Variants in TTL observed in about 807,000 individuals in gnomAD.
TTL encodes tubulin--tyrosine ligase.
A neutral mutation model predicts 41.1 loss-of-function variants in TTL; 10 were observed. That is an observed-to-expected ratio of 0.24 (90% confidence interval 0.15 to 0.41). TTL has a LOEUF of 0.41. Among genes scored for constraint, TTL ranks in the 10% least tolerant of loss-of-function variants. The pLI is 1.00. For missense variants in TTL, 367 were observed against 460.4 expected (o/e 0.80, Z 1.86); for synonymous variants, 175 against 175.5 (o/e 1.00, Z 0.02).
chr2:112,482,313 T>TGCCCGGCGGCC lies in TTL; in HGVS notation c.-31_-21dup. The TGCCCGGCGGCC allele has an allele frequency of 1.4e-6, 2 of 1,453,066 alleles. No individual in the cohort carries two copies. Among genetic ancestry groups the TGCCCGGCGGCC allele is most frequent in the Non-Finnish European group, 1.8e-6 (2 of 1,093,212 alleles). 90.0% of individuals were successfully genotyped at this position (1,453,066 alleles called of 1,614,324 possible). On this transcript the variant is annotated 5_prime_UTR_variant, in exon 1 of 7. Transcript: ENST00000233336. This position sits in a 1 kb window ranked among gnomAD's most constrained non-coding sequence, Gnocchi z 5.3. ...TCGGCCGCCTGGTCCCTGCGGCGGCTGCCCGGCGGCCCGGGCGCGCGGCGC... is the reference window on the plus strand; with the variant it reads ...TCGGCCGCCTGGTCCCTGCGGCGGCTGCCCGGCGGCCGCCCGGCGGCCCGGGCGCGCGGCGC...
rs202003561 is a variant in TTL, at chr2:112,482,551, G to T, written c.157+50G>T. 2.4e-3 allele frequency: 3,580 copies of T among 1,518,362 alleles called. 4 individuals are homozygous for T. Among genetic ancestry groups the T allele is most frequent in the Non-Finnish European group, 3.0e-3 (3,395 of 1,129,744 alleles). The allele number at this position is 1,518,362 out of a possible 1,614,324, so 94.1% of individuals were successfully genotyped here. On this transcript the variant is annotated intron_variant, in intron 1 of 6. Coordinates refer to ENST00000233336, the MANE Select transcript of TTL (RefSeq NM_153712.5). The surrounding 1 kb of genome is among the most constrained non-coding windows in gnomAD (Gnocchi z 5.3). ...TGCCCTCCTCGGAGCGGCCCTGCGC[G>T]CCTCCCGCGGCCCGTTAGAACCGGC... is the stretch of plus-strand genomic sequence containing the variant.
chr2:112,516,310 T>C (rs897839038), intron 5 of TTL, among the ~76,000 whole-genome samples: 2 of 152,200 alleles, frequency 1.3e-5, no homozygotes, highest in Non-Finnish European at 2.9e-5. Context: ...TTCATGTCTT[T>C]CCACAAGGAT....
chr2:112,486,099 A>G (rs1404975488), intron 2 of TTL, 104 bp downstream of exon 2: 2 of 1,188,856 alleles, frequency 1.7e-6, no homozygotes, highest in Non-Finnish European at 1.2e-6. Flanking sequence ...TTAAAAGCCA[A>G]CAAATATCAG....
At chr2:112,491,892 T>C (rs1019538600) in intron 2 of TTL, among the ~76,000 whole-genome samples, 5 of 152,240 alleles carry the variant, frequency 3.3e-5, no homozygotes, top group African/African-American at 1.2e-4. Flanking sequence ...CTTACTGTCC[T>C]TGTCATAGTT....
chr2:112,535,535 T>C lies in TTL; in HGVS notation c.*6740T>C, dbSNP rs1227308762. The C allele has an allele frequency of 6.6e-6, 1 of 150,802 alleles. No individual in the cohort carries two copies. Among genetic ancestry groups the C allele is most frequent in the Non-Finnish European group, 1.5e-5 (1 of 67,794 alleles). The allele number at this position is 150,802 out of a possible 1,614,324, so 9.3% of individuals were successfully genotyped here. A position where few individuals can be genotyped will look rare whatever the true frequency, so the allele number is the denominator to read the frequency against. ...GCCACTAAGTAAATAATTTTAAATATATAGTAAAAAATGACAAGGAAACAG... is the reference window on the plus strand; with the variant it reads ...GCCACTAAGTAAATAATTTTAAATACATAGTAAAAAATGACAAGGAAACAG... On this transcript the variant is annotated 3_prime_UTR_variant, in exon 7 of 7. Transcript: ENST00000233336.
Position 112,494,294 on chromosome 2 carries a change from T to C in TTL, c.388T>C (p.Phe130Leu). 6.2e-7 allele frequency: 1 copy of C among 1,614,194 alleles called. No individual in the cohort carries two copies. The highest frequency in any genetic ancestry group is 8.5e-7 in the Non-Finnish European group (1 of 1,180,034). ...TAACTCAAGGACAGATGAAAGAGAA[T>C]TCTTTCTCGCCTCTTATAACAGAAA... ...ISNSRTDERE[F>L]FLASYNRKKE... Residue 130 changes from phenylalanine (F) to leucine (L), a missense_variant, in exon 3 of 7, where the codon TTC becomes CTC. Coordinates refer to ENST00000233336, the MANE Select transcript of TTL (RefSeq NM_153712.5).
At chr2:112,527,545 T>C (rs1682400174) in intron 6 of TTL, among the ~76,000 whole-genome samples, 1 of 152,232 alleles carries the variant, frequency 6.6e-6, no homozygotes, top group South Asian at 2.1e-4. Context: ...TTTGTTGAAT[T>C]GATCCCTTTA....
intron 1 of TTL, chr2:112,483,811 A>G (rs1464987485): frequency 6.6e-6 from 1 of 152,068 alleles, no homozygotes; most frequent in Non-Finnish European, 1.5e-5. Flanking sequence ...TAGAATGGTG[A>G]CTCCATGGAA....
intron 5 of TTL, among the ~76,000 whole-genome samples, chr2:112,509,885 C>T (rs897935856): frequency 1.7e-4 from 26 of 152,342 alleles, no homozygotes; most frequent in Admixed American, 5.2e-4. Context: ...CTACCCCCCT[C>T]GGCCTCCCAA....
chr2:112,496,982 G>A (rs550233711), intron 3 of TTL, among the ~76,000 whole-genome samples: 18 of 151,904 alleles, frequency 1.2e-4, no homozygotes, highest in Non-Finnish European at 2.4e-4. Context: ...CACCACACCC[G>A]GCTAATTTTT....
intron 3 of TTL, among the ~76,000 whole-genome samples, chr2:112,495,917 A>C (rs568090608): frequency 5.3e-5 from 8 of 152,100 alleles, no homozygotes; most frequent in Non-Finnish European, 2.9e-5. Flanking sequence ...ATTGGTACTC[A>C]TTTCTGTTCC....
chr2:112,525,184 G>C (rs1682339436), intron 6 of TTL, among the ~76,000 whole-genome samples: 1 of 152,148 alleles, frequency 6.6e-6, no homozygotes, highest in African/African-American at 2.4e-5. Context: ...TGCTGTTTTG[G>C]TTACTGTAGC....
chr2:112,501,934 T>G (rs182828833), intron 4 of TTL, among the ~76,000 whole-genome samples: 1 of 152,106 alleles, frequency 6.6e-6, no homozygotes, highest in Non-Finnish European at 1.5e-5. Flanking sequence ...AATATAAATG[T>G]ATGGTCTTGC....
At chr2:112,484,480 G>A (rs1039761572) in intron 1 of TTL, among the ~76,000 whole-genome samples, 3 of 151,906 alleles carry the variant, frequency 2.0e-5, no homozygotes, top group African/African-American at 7.3e-5. Flanking sequence ...GGTCAGGCTG[G>A]TCTCGAACTC....
chr2:112,487,382 A>T (rs937142118), intron 2 of TTL, among the ~76,000 whole-genome samples: 1 of 152,240 alleles, frequency 6.6e-6, no homozygotes, highest in African/African-American at 2.4e-5. Flanking sequence ...TGTTACATGG[A>T]ATCAGGAATA....
chr2:112,530,018 A>T lies in TTL; in HGVS notation c.*1223A>T, dbSNP rs935961572. ...CTAGCAGTAGGGAGAACAAGATGTC[A>T]TTTGTGTTCAGTGTAAGCTGAGTAA... is the stretch of plus-strand genomic sequence containing the variant. On this transcript the variant is annotated 3_prime_UTR_variant, in exon 7 of 7. Transcript: ENST00000233336. The T allele has an allele frequency of 1.7e-5, 4 of 229,704 alleles. No homozygotes were observed. Among genetic ancestry groups the T allele is most frequent in the Non-Finnish European group, 3.5e-5 (4 of 115,936 alleles). 14.2% of individuals were successfully genotyped at this position (229,704 alleles called of 1,614,324 possible).
rs374790054 is a variant in TTL, at chr2:112,482,820, C to A, written c.157+319C>A. Reference sequence around the variant, plus strand: ...CTGAGGCGCGAGTCTAGCGGCTCCCCCGGGCCGAAGCCCCCAGATTTGGCG... The same window carrying A: ...CTGAGGCGCGAGTCTAGCGGCTCCCACGGGCCGAAGCCCCCAGATTTGGCG... On this transcript the variant is annotated intron_variant, in intron 1 of 6. Transcript: ENST00000233336. The surrounding 1 kb of genome is among the most constrained non-coding windows in gnomAD (Gnocchi z 5.3). Among the ~76,000 whole-genome samples, 484 of 152,314 alleles carry A rather than the reference C, an allele frequency of 3.2e-3. 1 individual carries two copies. The highest frequency in any genetic ancestry group is 0.011 in the African/African-American group (462 of 41,588).
chr2:112,496,758 A>G (rs1470747817), intron 3 of TTL, among the ~76,000 whole-genome samples: 13 of 128,932 alleles, frequency 1.0e-4, no homozygotes, highest in Non-Finnish European at 1.7e-4. Flanking sequence ...CCCAGGCTGG[A>G]GTGAGATGGC....
intron 6 of TTL, among the ~76,000 whole-genome samples, chr2:112,524,920 T>C (rs1398750452): frequency 6.6e-6 from 1 of 152,238 alleles, no homozygotes; most frequent in East Asian, 1.9e-4. Context: ...TTTTATGGTT[T>C]TACATCTAAC....
Sources: gnomAD v4.1 joint callset for allele counts (sites outside exome capture counted in the v4.1 genomes callset) on GRCh38, gnomAD v4.1.1 for gene constraint, Gnocchi (gnomAD v3.1) non-coding constraint, MANE v1.5 for transcripts, NCBI Gene and HGNC (gene_info 2026-07-23, HGNC 2026-07-21) for gene names.